MCF2L: variants seen among roughly 807,000 people sequenced by gnomAD.
The protein encoded by MCF2L is MCF.2 cell line derived transforming sequence like.
In MCF2L, 97 loss-of-function variants were observed where a neutral mutation model predicts 153.4. That is an observed-to-expected ratio of 0.63 (90% CI 0.54 to 0.75). MCF2L has a LOEUF of 0.75. Among genes scored for constraint, MCF2L ranks in the 30% least tolerant of loss-of-function variants. The pLI is 0.00. For synonymous variants in MCF2L, 659 were observed against 632.2 expected, an observed-to-expected ratio of 1.04 and a Z score of -0.64; for missense variants, 1,347 against 1,495.2, an observed-to-expected ratio of 0.90 and a Z score of 1.64.
intron 2 of MCF2L, among the ~76,000 whole-genome samples, chr13:112,935,974 C>T (rs1197810817): frequency 2.0e-5 from 3 of 152,164 alleles, no homozygotes; most frequent in Admixed American, 6.5e-5. Context: ...CCTTCCCTCG[C>T]AGCCTCAGAA....
intron 1 of MCF2L, among the ~76,000 whole-genome samples, chr13:112,986,686 G>A (rs568612167): frequency 6.6e-6 from 1 of 152,330 alleles, no homozygotes; most frequent in East Asian, 1.9e-4. Context: ...CCCATCGGAG[G>A]GTCTGCTGGG....
At chr13:112,985,399 C>G in intron 1 of MCF2L, 1 of 471,076 alleles carries the variant, frequency 2.1e-6, no homozygotes. Flanking sequence ...GACGGAAAGG[C>G]TGTCCGGATT....
intron 2 of MCF2L, among the ~76,000 whole-genome samples, chr13:113,021,414 G>A (rs2084878366): frequency 6.6e-6 from 1 of 152,208 alleles, no homozygotes; most frequent in African/African-American, 2.4e-5. Context: ...GCGAGTGGAT[G>A]TAGGCCCAGT....
chr13:113,096,771 C>G lies in MCF2L; in HGVS notation c.3293-3C>G. 1 of 1,567,182 alleles carries G rather than the reference C, an allele frequency of 6.4e-7. No individual in the cohort carries two copies. The highest frequency in any genetic ancestry group is 1.2e-5 in the South Asian group (1 of 86,952). On this transcript the variant is annotated splice_polypyrimidine_tract_variant and splice_region_variant and intron_variant, in intron 29 of 29. Coordinates refer to ENST00000535094, the MANE Select transcript of MCF2L (RefSeq NM_001112732.3). The stretch of plus-strand genomic sequence containing the variant: ...AGCCCGTCCCCGCCTGATCTCCCCG[C>G]AGAGTCGAGCCCGGGGTCGGCCGTG...
chr13:112,929,837 G>T (rs2081443800), intron 2 of MCF2L, among the ~76,000 whole-genome samples: 1 of 152,242 alleles, frequency 6.6e-6, no homozygotes. Flanking sequence ...TTAGCAGTTG[G>T]CTGCTTGTTG....
At chr13:113,065,295 G>A (rs1280910222) in intron 7 of MCF2L, 1 of 592,926 alleles carries the variant, frequency 1.7e-6, no homozygotes, top group Admixed American at 3.0e-5. Flanking sequence ...TAAAAGGAGT[G>A]TAAATGAACC....
At chr13:112,979,179 C>G (rs2082314380) in intron 1 of MCF2L, 1 of 299,238 alleles carries the variant, frequency 3.3e-6, no homozygotes, top group African/African-American at 2.3e-5. Context: ...ACGTCCCTCC[C>G]TTCCTCTGGG....
chr13:112,969,549 G>A lies in MCF2L; in HGVS notation c.79+91G>A. 1.3e-6 allele frequency: 2 copies of A among 1,527,840 alleles called. No homozygotes were observed. The highest frequency in any genetic ancestry group is 1.8e-6 in the Non-Finnish European group (2 of 1,131,894). 94.6% of individuals were successfully genotyped at this position (1,527,840 alleles called of 1,614,324 possible). A position where few individuals can be genotyped will look rare whatever the true frequency, so the allele number is the denominator to read the frequency against. On this transcript the variant is annotated intron_variant, in intron 1 of 29. Coordinates refer to ENST00000535094, the MANE Select transcript of MCF2L (RefSeq NM_001112732.3). This position sits in a 1 kb window ranked among gnomAD's most constrained non-coding sequence, Gnocchi z 4.8. ...GAAATGCGTCTGATTTTTGTAAGCC[G>A]CCCTCGTGTTCCTTTCTAGCCGTGG...
In MCF2L at chr13:113,097,765, C is replaced by G. The variant is rs114947220; in HGVS notation, c.*906C>G. 1 of 152,102 alleles carries G rather than the reference C, an allele frequency of 6.6e-6. No homozygotes were observed. Among genetic ancestry groups the G allele is most frequent in the Non-Finnish European group, 1.5e-5 (1 of 68,028 alleles). The allele number at this position is 152,102 out of a possible 1,614,324, so 9.4% of individuals were successfully genotyped here. ...AAGATGCAGTTTCTGCAGGGTGTGG[C>G]GTGGACCAGTGCTGCCGACCATAGC... On this transcript the variant is annotated 3_prime_UTR_variant, in exon 30 of 30. Transcript: ENST00000535094.
chr13:113,071,626 G>C (rs966834011), intron 9 of MCF2L, among the ~76,000 whole-genome samples: 1 of 152,258 alleles, frequency 6.6e-6, no homozygotes, highest in African/African-American at 2.4e-5. Context: ...TGTTGAAAAG[G>C]CCCTTTCTTC....
At chr13:112,995,051 G>A (rs981679317) in intron 1 of MCF2L, among the ~76,000 whole-genome samples, 10 of 152,206 alleles carry the variant, frequency 6.6e-5, no homozygotes, top group African/African-American at 2.4e-4. Context: ...TTCTGCACAC[G>A]GTGTCGCATC....
intron 13 of MCF2L, 31 bp downstream of exon 13, chr13:113,077,242 T>C (rs762377618): frequency 1.3e-6 from 2 of 1,500,082 alleles, no homozygotes; most frequent in African/African-American, 1.4e-5. Flanking sequence ...CCCCGGGTGC[T>C]GTGGGACCCT....
At chr13:112,987,604 C>T (rs2082702095) in intron 1 of MCF2L, among the ~76,000 whole-genome samples, 1 of 152,042 alleles carries the variant, frequency 6.6e-6, no homozygotes, top group South Asian at 2.1e-4. Context: ...CTGCATGCAA[C>T]GTTTTCACTT....
chr13:113,069,966 G>T, intron 8 of MCF2L, 93 bp from the exon 9 acceptor site: 1 of 779,980 alleles, frequency 1.3e-6, no homozygotes, highest in Non-Finnish European at 2.1e-6. Flanking sequence ...CCGGGGTGGA[G>T]ATGAGCCTTG....
chr13:112,974,729 G>GC (rs1231139003), intron 1 of MCF2L, among the ~76,000 whole-genome samples: 1 of 152,104 alleles, frequency 6.6e-6, no homozygotes, highest in Non-Finnish European at 1.5e-5. Context: ...AAAAAACAAG[G>GC]CATAAGCATC....
intron 1 of MCF2L, among the ~76,000 whole-genome samples, chr13:112,896,268 A>ACC (rs576052145): frequency 8.6e-5 from 13 of 151,556 alleles, no homozygotes; most frequent in African/African-American, 3.2e-4. Flanking sequence ...AGGTCTCTTC[A>ACC]CCGCCCCCCC....
chr13:112,997,565 G>A (rs2083192710), intron 1 of MCF2L, among the ~76,000 whole-genome samples: 1 of 152,244 alleles, frequency 6.6e-6, no homozygotes, highest in Non-Finnish European at 1.5e-5. Context: ...TTTGACTTAA[G>A]GTTTAGCTGT....
intron 3 of MCF2L, among the ~76,000 whole-genome samples, chr13:113,038,443 T>C (rs1473656084): frequency 4.3e-5 from 6 of 138,706 alleles, no homozygotes; most frequent in Non-Finnish European, 6.0e-5. Flanking sequence ...CCAGCCTGGG[T>C]GACAGAGCGA....
intron 2 of MCF2L, among the ~76,000 whole-genome samples, chr13:112,947,235 G>A (rs376687133): frequency 4.2e-4 from 64 of 152,288 alleles, no homozygotes; most frequent in African/African-American, 1.4e-3. Context: ...AGGTTTCAAC[G>A]TGTGATTTTT....
Sources: allele counts gnomAD v4.1 joint callset (sites outside exome capture counted in the v4.1 genomes callset), GRCh38; gene constraint gnomAD v4.1.1; non-coding constraint Gnocchi (gnomAD v3.1); transcripts MANE v1.5; gene names NCBI Gene and HGNC (gene_info 2026-07-23, HGNC 2026-07-21).